LRRC4C: variants seen among roughly 807,000 people sequenced by gnomAD.
LRRC4C encodes leucine rich repeat containing 4C.
In LRRC4C, 5 loss-of-function variants were observed where a neutral mutation model predicts 33.6. That is an observed-to-expected ratio of 0.15 (90% CI 0.08 to 0.31). The LOEUF (loss-of-function observed/expected upper bound fraction) is 0.31, where lower values mean the gene tolerates loss of function less well. Among genes scored for constraint, LRRC4C ranks in the 10% least tolerant of loss-of-function variants. The probability of loss-of-function intolerance (pLI) is 1.00; values close to 1 mark genes in which losing one functional copy is unlikely to be tolerated. For missense variants in LRRC4C, 560 were observed against 796.7 expected (o/e 0.70, Z 3.58); for synonymous variants, 329 against 302.0 (o/e 1.09, Z -0.93).
intron 1 of LRRC4C, among the ~76,000 whole-genome samples, chr11:41,028,384 C>CG (rs1856515217): frequency 2.0e-5 from 3 of 151,558 alleles, no homozygotes; most frequent in African/African-American, 7.3e-5. Context: ...TCTATTTAAT[C>CG]TGCAAATGTA....
chr11:41,374,988 G>A (rs11036373), intron 1 of LRRC4C, among the ~76,000 whole-genome samples: 9,039 of 151,830 alleles, frequency 0.06, 307 homozygotes, highest in South Asian at 0.089. Context: ...TTAGCCGGGC[G>A]TGATGGCATG....
chr11:40,683,744 G>A (rs1055797628), intron 2 of LRRC4C, among the ~76,000 whole-genome samples: 6 of 152,162 alleles, frequency 3.9e-5, no homozygotes, highest in African/African-American at 1.4e-4. Context: ...ACTGCAAAAA[G>A]TTGCAGCCCC....
chr11:40,370,056 T>C (rs1948382928), intron 3 of LRRC4C, among the ~76,000 whole-genome samples: 1 of 152,186 alleles, frequency 6.6e-6, no homozygotes, highest in African/African-American at 2.4e-5. Flanking sequence ...AAAGAATACT[T>C]ACATCTGCAA....
chr11:40,149,964 A>G (rs911925499), intron 5 of LRRC4C, among the ~76,000 whole-genome samples: 1 of 152,178 alleles, frequency 6.6e-6, no homozygotes, highest in African/African-American at 2.4e-5. Flanking sequence ...ACAGAAATGT[A>G]TCCTTCTGCA....
intron 4 of LRRC4C, among the ~76,000 whole-genome samples, chr11:40,257,529 C>A (rs1344632970): frequency 5.3e-5 from 8 of 152,120 alleles, no homozygotes; most frequent in Non-Finnish European, 1.2e-4. Context: ...GAGAAAGAAG[C>A]CGCTTGATGC....
chr11:41,086,035 A>C (rs555452572), intron 1 of LRRC4C, among the ~76,000 whole-genome samples: 1 of 152,094 alleles, frequency 6.6e-6, no homozygotes, highest in Non-Finnish European at 1.5e-5. Flanking sequence ...TTTTGTACCA[A>C]AAGTCCCATT....
intron 1 of LRRC4C, among the ~76,000 whole-genome samples, chr11:41,178,815 G>A (rs1469198547): frequency 2.0e-5 from 3 of 152,108 alleles, no homozygotes; most frequent in African/African-American, 7.2e-5. Context: ...GCAATTCTCT[G>A]CCTCAGCCTC....
chr11:40,691,395 C>G (rs1945215698), intron 2 of LRRC4C, among the ~76,000 whole-genome samples: 1 of 151,970 alleles, frequency 6.6e-6, no homozygotes, highest in East Asian at 1.9e-4. Context: ...AGAACTTTAA[C>G]AGGACCAGGA....
Position 40,892,134 on chromosome 11 carries a change from CAA to C in LRRC4C, c.-407+41499_-407+41500del, listed in dbSNP as rs58855313. Among the ~76,000 whole-genome samples, 538 of 113,932 alleles carry C rather than the reference CAA, an allele frequency of 4.7e-3. 4 individuals carry two copies. The highest frequency in any genetic ancestry group is 0.017 in the African/African-American group (492 of 28,510). 74.7% of individuals were successfully genotyped at this position (113,932 alleles called of 152,430 possible). A position where few individuals can be genotyped will look rare whatever the true frequency, so the allele number is the denominator to read the frequency against. On this transcript the variant is annotated intron_variant, in intron 2 of 6. Transcript: ENST00000528697. ...TGGGCGACAGTGCGAGATTGTGTCT[CAA>C]AAAAAAAAAAAAAAAATAGAAAAAG...
At chr11:41,444,480 G>A (rs937627561) in intron 1 of LRRC4C, among the ~76,000 whole-genome samples, 1 of 152,160 alleles carries the variant, frequency 6.6e-6, no homozygotes, top group African/African-American at 2.4e-5. Context: ...TCACGGGTGG[G>A]TGCTAGAACC....
At chr11:40,893,792 C>T (rs924630547) in intron 2 of LRRC4C, among the ~76,000 whole-genome samples, 8 of 150,374 alleles carry the variant, frequency 5.3e-5, no homozygotes, top group Admixed American at 2.7e-4. Flanking sequence ...AAAGGATGGC[C>T]GAAAAATGTT....
At chr11:40,905,119 C>A (rs1004754932) in intron 2 of LRRC4C, among the ~76,000 whole-genome samples, 1 of 152,012 alleles carries the variant, frequency 6.6e-6, no homozygotes, top group African/African-American at 2.4e-5. Context: ...CCAGCAGGCA[C>A]CAATTAAAGG....
At chr11:40,218,267 C>G (rs1864118482) in intron 5 of LRRC4C, among the ~76,000 whole-genome samples, 1 of 152,000 alleles carries the variant, frequency 6.6e-6, no homozygotes, top group Non-Finnish European at 1.5e-5. Flanking sequence ...AAATTTTCTC[C>G]TATAACATGT....
intron 3 of LRRC4C, among the ~76,000 whole-genome samples, chr11:40,597,785 G>A (rs1025747212): frequency 1.3e-5 from 2 of 152,256 alleles, no homozygotes; most frequent in Non-Finnish European, 2.9e-5. Flanking sequence ...ACTTGAACAC[G>A]TTGACATCGC....
intron 5 of LRRC4C, among the ~76,000 whole-genome samples, chr11:40,150,034 C>A (rs1285545537): frequency 6.6e-6 from 1 of 152,152 alleles, no homozygotes; most frequent in African/African-American, 2.4e-5. Context: ...CTTTCAAAAG[C>A]CCTAGGGGAG....
chr11:41,068,724 C>T (rs1481125045), intron 1 of LRRC4C, among the ~76,000 whole-genome samples: 1 of 152,002 alleles, frequency 6.6e-6, no homozygotes, highest in African/African-American at 2.4e-5. Flanking sequence ...CCTGAATAGA[C>T]CAATAACAAG....
At chr11:40,365,365 C>T (rs1948160409) in intron 3 of LRRC4C, among the ~76,000 whole-genome samples, 1 of 152,022 alleles carries the variant, frequency 6.6e-6, no homozygotes, top group African/African-American at 2.4e-5. Context: ...ATACTTTTGC[C>T]AATTCTCCTC....
At chr11:40,463,163 G>T (rs1471531873) in intron 3 of LRRC4C, among the ~76,000 whole-genome samples, 2 of 152,030 alleles carry the variant, frequency 1.3e-5, no homozygotes, top group South Asian at 2.1e-4. Context: ...TTACAATGAG[G>T]AAGAAAAACA....
chr11:40,402,103 C>T (rs1416864193), intron 3 of LRRC4C, among the ~76,000 whole-genome samples: 2 of 151,946 alleles, frequency 1.3e-5, no homozygotes, highest in African/African-American at 2.4e-5. Flanking sequence ...TTTCAGATAA[C>T]CATTTGAGAA....
Sources: allele counts gnomAD v4.1 joint callset (sites outside exome capture counted in the v4.1 genomes callset), GRCh38; gene constraint gnomAD v4.1.1; transcripts MANE v1.5; gene names NCBI Gene and HGNC (gene_info 2026-07-23, HGNC 2026-07-21).